The following TSHZ3 variants were observed in gnomAD, a reference collection of about 807,000 sequenced individuals.
TSHZ3 encodes the protein teashirt zinc finger homeobox 3, also known as teashirt homolog 3.
A neutral mutation model predicts 64.5 loss-of-function variants in TSHZ3; 10 were observed. That is an observed-to-expected ratio of 0.16 (90% CI 0.10 to 0.26). TSHZ3 has a LOEUF of 0.26. Ranked by LOEUF, TSHZ3 falls within the 10% of genes least tolerant of loss-of-function variation. TSHZ3 has a pLI of 1.00. For synonymous variants in TSHZ3, 608 were observed against 593.1 expected, an observed-to-expected ratio of 1.03 and a Z score of -0.36; for missense variants, 1,242 against 1,421.7, an observed-to-expected ratio of 0.87 and a Z score of 2.03.
Position 31,169,327 on chromosome 19 carries a change from C to T in TSHZ3, n.810-12910G>A, listed in dbSNP as rs558580020. ...GAAGAGATACTTGTACACCCATGTT[C>T]ATAGCAGCATTATTCACAATAACCA... On this transcript the variant is annotated intron_variant and non_coding_transcript_variant, in intron 5 of 6. Coordinates refer to the TSHZ3 transcript ENST00000651361. Among the ~76,000 whole-genome samples, 42 of 152,304 alleles carry T rather than the reference C, an allele frequency of 2.8e-4. 1 individual carries two copies. The highest frequency in any genetic ancestry group is 9.4e-4 in the African/African-American group (39 of 41,566).
At chr19:31,265,251 G>A (rs754175676) in intron 1 of TSHZ3, among the ~76,000 whole-genome samples, 8 of 151,738 alleles carry the variant, frequency 5.3e-5, no homozygotes, top group Non-Finnish European at 1.0e-4. Context: ...ATGAAAATTA[G>A]CCGGGCATGG....
At position 31,320,054 on chromosome 19, in the gene TSHZ3, GCT is replaced by G. The variant is rs779042137; in HGVS notation, c.40+29124_40+29125del. ...TGCAGATGACCTGACGTATTAGGGAGCTCACACCCTGAAACATTTTCTCGGGT... is the reference window on the plus strand; with the variant it reads ...TGCAGATGACCTGACGTATTAGGGAGCACACCCTGAAACATTTTCTCGGGT... On this transcript the variant is annotated intron_variant, in intron 1 of 1. Coordinates refer to ENST00000240587, the MANE Select transcript of TSHZ3 (RefSeq NM_020856.4). Among the ~76,000 whole-genome samples the G allele has an allele frequency of 4.0e-5, 6 of 150,982 alleles. 1 individual carries two copies. The highest frequency in any genetic ancestry group is 8.8e-5 in the Non-Finnish European group (6 of 68,040).
chr19:31,277,497 G>T lies in TSHZ3; in HGVS notation c.2296C>A (p.Pro766Thr). ...SLAEKAAVAT[P>T]PPLQSKKADH... ...GCCTTCTTGGACTGCAGGGGCGGCG[G>T]GGTGGCCACAGCAGCCTTCTCCGCC... The change falls in exon 2 of 2, where the codon CCG (proline) becomes ACG (threonine). Residue 766 changes from proline (P) to threonine (T), a missense_variant. Pro to Thr is a conservative substitution (Grantham distance 38, BLOSUM62 -1). This residue lies in a region of TSHZ3 where 550 missense variants were observed against 545.1 expected (regional missense o/e 1.01). Coordinates refer to ENST00000240587, the MANE Select transcript of TSHZ3 (RefSeq NM_020856.4). This position sits in a 1 kb window ranked among gnomAD's most constrained non-coding sequence, Gnocchi z 4.5. 6.2e-7 allele frequency: 1 copy of T among 1,609,170 alleles called. No individual in the cohort carries two copies. The highest frequency in any genetic ancestry group is 1.7e-5 in the Admixed American group (1 of 59,748).
At chr19:31,315,580 G>A (rs1301208657) in intron 1 of TSHZ3, among the ~76,000 whole-genome samples, 1 of 152,142 alleles carries the variant, frequency 6.6e-6, no homozygotes, top group Non-Finnish European at 1.5e-5. Context: ...CAGCTTGGAT[G>A]GGCAAAGCAC....
chr19:31,170,464 G>T (rs554952903), intron 5 of TSHZ3, among the ~76,000 whole-genome samples: 2 of 152,054 alleles, frequency 1.3e-5, no homozygotes, highest in Non-Finnish European at 2.9e-5. Flanking sequence ...GGTTTGGGGG[G>T]ACCTACATTC....
At chr19:31,286,479 G>C (rs1976466375) in intron 1 of TSHZ3, among the ~76,000 whole-genome samples, 1 of 152,204 alleles carries the variant, frequency 6.6e-6, no homozygotes, top group Non-Finnish European at 1.5e-5. Flanking sequence ...CCTCTCAATG[G>C]TCAAGGAAGG....
At chr19:31,182,269 A>G (rs1191257476) in intron 5 of TSHZ3, among the ~76,000 whole-genome samples, 2 of 152,178 alleles carry the variant, frequency 1.3e-5, no homozygotes, top group African/African-American at 4.8e-5. Context: ...GATGCTGTGA[A>G]TCCAGCAAAA....
intron 1 of TSHZ3, among the ~76,000 whole-genome samples, chr19:31,253,913 A>G (rs184922965): frequency 3.9e-4 from 59 of 152,254 alleles, no homozygotes; most frequent in Admixed American, 2.4e-3. Flanking sequence ...TGACAGTGCA[A>G]TCTCAAAATT....
chr19:31,264,837 A>G (rs942513637), intron 1 of TSHZ3, among the ~76,000 whole-genome samples: 1 of 152,138 alleles, frequency 6.6e-6, no homozygotes, highest in African/African-American at 2.4e-5. Context: ...TGCCAGAGAC[A>G]GGGCCAGTCA....
intron 1 of TSHZ3, among the ~76,000 whole-genome samples, chr19:31,310,777 CTCTTT>C (rs1461689465): frequency 5.9e-5 from 9 of 152,226 alleles, no homozygotes; most frequent in Non-Finnish European, 1.3e-4. Flanking sequence ...TGAAAGTCCT[CTCTTT>C]TAAGAATTGT....
At chr19:31,338,081 T>C (rs1917306557) in intron 1 of TSHZ3, among the ~76,000 whole-genome samples, 1 of 152,200 alleles carries the variant, frequency 6.6e-6, no homozygotes, top group Admixed American at 6.5e-5. Flanking sequence ...CTCCCAGTAG[T>C]GTAGATCCAG....
At chr19:31,293,849 T>C (rs1291853140) in intron 1 of TSHZ3, among the ~76,000 whole-genome samples, 1 of 152,212 alleles carries the variant, frequency 6.6e-6, no homozygotes, top group Non-Finnish European at 1.5e-5. Flanking sequence ...CCAATTCTTT[T>C]AGTTTGGATG....
intron 5 of TSHZ3, among the ~76,000 whole-genome samples, chr19:31,171,281 TC>T (rs903463362): frequency 2.0e-5 from 3 of 152,110 alleles, no homozygotes; most frequent in Non-Finnish European, 4.4e-5. Flanking sequence ...CTAGATCACG[TC>T]GCTCCCTGCA....
At chr19:31,260,948 T>A (rs1293483743) in intron 1 of TSHZ3, among the ~76,000 whole-genome samples, 1 of 152,232 alleles carries the variant, frequency 6.6e-6, no homozygotes, top group Admixed American at 6.5e-5. Context: ...TGCCAAGCAC[T>A]GTGCCGGCTC....
chr19:31,290,494 A>G (rs1024193592), intron 1 of TSHZ3, among the ~76,000 whole-genome samples: 3 of 152,054 alleles, frequency 2.0e-5, no homozygotes, highest in African/African-American at 7.2e-5. Context: ...CTGTCTAGTT[A>G]TTAAATAAGC....
chr19:31,170,202 G>A (rs1039363706), intron 5 of TSHZ3, among the ~76,000 whole-genome samples: 3 of 152,138 alleles, frequency 2.0e-5, no homozygotes, highest in South Asian at 4.1e-4. Flanking sequence ...TGGAGATCAG[G>A]GTGACAGCAT....
At chr19:31,162,031 C>T (rs890626496) in intron 5 of TSHZ3, among the ~76,000 whole-genome samples, 3 of 152,186 alleles carry the variant, frequency 2.0e-5, no homozygotes, top group Non-Finnish European at 2.9e-5. Context: ...CTGAGGTACC[C>T]GGTGAGTATT....
At chr19:31,231,324 C>T (rs763729649) in intron 3 of TSHZ3, among the ~76,000 whole-genome samples, 58 of 152,224 alleles carry the variant, frequency 3.8e-4, no homozygotes, top group South Asian at 6.2e-4. Flanking sequence ...ACAAACATAC[C>T]TGAGTCTGAT....
intron 3 of TSHZ3, among the ~76,000 whole-genome samples, chr19:31,234,633 G>C (rs1975583146): frequency 6.6e-6 from 1 of 152,146 alleles, no homozygotes; most frequent in Non-Finnish European, 1.5e-5. Context: ...TCTATCTACT[G>C]GGATTATTAT....
Sources: allele counts gnomAD v4.1 joint callset (sites outside exome capture counted in the v4.1 genomes callset), GRCh38; gene constraint gnomAD v4.1.1; regional missense constraint gnomAD v4.1.1; non-coding constraint Gnocchi (gnomAD v3.1); transcripts MANE v1.5; gene names NCBI Gene and HGNC (gene_info 2026-07-23, HGNC 2026-07-21).